Variants in LMBR1 observed in about 807,000 individuals in gnomAD.
The protein encoded by LMBR1 is limb development membrane protein 1.
A neutral mutation model predicts 73.9 loss-of-function variants in LMBR1; 52 were observed. That is an observed-to-expected ratio of 0.70 (90% CI 0.56 to 0.89). The LOEUF is 0.89. LMBR1 is among the 40% of genes least tolerant of loss of function. The pLI, the probability that LMBR1 is intolerant of heterozygous loss-of-function variation, is 0.00. For missense variants in LMBR1, 539 were observed against 579.8 expected (o/e 0.93, Z 0.72); for synonymous variants, 215 against 209.4 (o/e 1.03, Z -0.23).
At chr7:156,873,032 C>T (rs1328313134) in intron 1 of LMBR1, among the ~76,000 whole-genome samples, 1 of 150,940 alleles carries the variant, frequency 6.6e-6, no homozygotes, top group African/African-American at 2.4e-5. Flanking sequence ...GTTGGCACGT[C>T]TGGAGTCTGT....
intron 15 of LMBR1, among the ~76,000 whole-genome samples, chr7:156,707,714 A>ACTTCCATG (rs760156064): frequency 6.6e-6 from 1 of 152,198 alleles, no homozygotes; most frequent in Non-Finnish European, 1.5e-5. Context: ...CAAAGAGCAT[A>ACTTCCATG]CTTCAAAATA....
chr7:156,871,199 T>A (rs1242035682), intron 1 of LMBR1, among the ~76,000 whole-genome samples: 1 of 151,958 alleles, frequency 6.6e-6, no homozygotes, highest in Non-Finnish European at 1.5e-5. Context: ...AAGAAATGAA[T>A]AAATTCCTAG....
At chr7:156,869,328 T>C (rs559512631) in intron 1 of LMBR1, among the ~76,000 whole-genome samples, 1 of 152,228 alleles carries the variant, frequency 6.6e-6, no homozygotes, top group African/African-American at 2.4e-5. Context: ...AAAAAAAAGC[T>C]TAAGGCTCTC....
chr7:156,692,727 G>C (rs1807481917), intron 15 of LMBR1, among the ~76,000 whole-genome samples: 1 of 152,156 alleles, frequency 6.6e-6, no homozygotes, highest in African/African-American at 2.4e-5. Flanking sequence ...TGGAGCATAA[G>C]GATGACACAG....
Position 156,670,799 on chromosome 7 carries a change from T to C in LMBR1, n.867-1512A>G, listed in dbSNP as rs1479978548. On this transcript the variant is annotated intron_variant and non_coding_transcript_variant, in intron 4 of 4. Transcript: ENST00000430825. The surrounding 1 kb of genome is among the most constrained non-coding windows in gnomAD (Gnocchi z 4.3). ...GGCAAAAGAAAAGCCAGACAAAAAG[T>C]GTGCCACTAGAACGTCTTCGTTAAA... is the stretch of plus-strand genomic sequence containing the variant. 6.6e-6 allele frequency among the ~76,000 whole-genome samples: 1 copy of C among 152,150 alleles called. No homozygotes were observed. The highest frequency in any genetic ancestry group is 1.5e-5 in the Non-Finnish European group (1 of 68,030).
chr7:156,852,098 G>T (rs1796315484), intron 1 of LMBR1, among the ~76,000 whole-genome samples: 1 of 151,862 alleles, frequency 6.6e-6, no homozygotes. Context: ...ACACCTCTAG[G>T]AACAAAGTAA....
intron 7 of LMBR1, among the ~76,000 whole-genome samples, chr7:156,762,537 A>C (rs1301426649): frequency 6.6e-6 from 1 of 152,236 alleles, no homozygotes; most frequent in African/African-American, 2.4e-5. Context: ...GTTAAATTTC[A>C]AGTATTAATA....
rs529355112 is a variant in LMBR1, at chr7:156,776,207, G to T, written c.424-12412C>A. 1.2e-3 allele frequency among the ~76,000 whole-genome samples: 176 copies of T among 151,532 alleles called. 1 individual carries two copies. The highest frequency in any genetic ancestry group is 1.7e-3 in the Non-Finnish European group (115 of 67,930). On this transcript the variant is annotated intron_variant, in intron 5 of 16. Transcript: ENST00000353442. ...TATAATGACTCAAACTATTACCTTTGTCTCTGAAATTTCCAAGGCTTGGGA... is the reference window on the plus strand; with the variant it reads ...TATAATGACTCAAACTATTACCTTTTTCTCTGAAATTTCCAAGGCTTGGGA...
chr7:156,739,033 CGAAACCAGGCCTAGGCTATTG>C (rs1818413850), intron 9 of LMBR1, among the ~76,000 whole-genome samples: 1 of 152,062 alleles, frequency 6.6e-6, no homozygotes, highest in Non-Finnish European at 1.5e-5. Context: ...TTGGGGCCCC[CGAAACCAGGCCTAGGCTATTG>C]AACAGCATTT....
chr7:156,805,812 G>A lies in LMBR1; in HGVS notation c.320-9320C>T, dbSNP rs929271658. Among the ~76,000 whole-genome samples, 13 of 152,256 alleles carry A rather than the reference G, an allele frequency of 8.5e-5. No homozygotes were observed. The East Asian group carries it at 1.4e-3, about 16-fold the overall frequency. ...AACCCTAATCCTCAGTGTGATGGTC[G>A]TTAGAGACAGGAGCCCTTGGGGGTA... On this transcript the variant is annotated intron_variant, in intron 4 of 16. Coordinates refer to ENST00000353442, the MANE Select transcript of LMBR1 (RefSeq NM_022458.4).
intron 3 of LMBR1, among the ~76,000 whole-genome samples, chr7:156,828,223 C>A (rs1044394379): frequency 6.6e-6 from 1 of 152,142 alleles, no homozygotes. Flanking sequence ...TTACCTAACC[C>A]CCTCATAGCC....
intron 5 of LMBR1, among the ~76,000 whole-genome samples, chr7:156,789,866 A>G (rs1461768470): frequency 2.0e-5 from 3 of 152,126 alleles, no homozygotes; most frequent in Admixed American, 2.0e-4. Context: ...AACAATGACT[A>G]TTTCTATAAA....
chr7:156,782,124 C>T (rs895033260), intron 5 of LMBR1, among the ~76,000 whole-genome samples: 17 of 152,204 alleles, frequency 1.1e-4, no homozygotes, highest in African/African-American at 3.9e-4. Flanking sequence ...TAGCAAGGTT[C>T]ATCCACGTTG....
chr7:156,704,146 G>C (rs935460165), intron 15 of LMBR1, among the ~76,000 whole-genome samples: 1 of 152,100 alleles, frequency 6.6e-6, no homozygotes, highest in Non-Finnish European at 1.5e-5. Context: ...CCAAGAAATA[G>C]CCTGGAACTG....
rs1412696633 is a variant in LMBR1 at position 156,681,366 on chromosome 7, CATT to C, written c.*2709_*2711del. 3.5e-6 allele frequency: 1 copy of C among 286,158 alleles called. No individual in the cohort carries two copies. The highest frequency in any genetic ancestry group is 6.8e-6 in the Non-Finnish European group (1 of 147,502). 17.7% of individuals were successfully genotyped at this position (286,158 alleles called of 1,614,324 possible). A position where few individuals can be genotyped will look rare whatever the true frequency, so the allele number is the denominator to read the frequency against. ...TTAGTGCAGCAATTTAAGGAGCTAA[CATT>C]AGTGTGTATGTGTGTACAAATTTCA... On this transcript the variant is annotated 3_prime_UTR_variant, in exon 17 of 17. Coordinates refer to ENST00000353442, the MANE Select transcript of LMBR1 (RefSeq NM_022458.4).
At chr7:156,693,701 A>C (rs10250422) in intron 15 of LMBR1, among the ~76,000 whole-genome samples, 1 of 152,124 alleles carries the variant, frequency 6.6e-6, no homozygotes, top group African/African-American at 2.4e-5. Context: ...AGGTAAATTC[A>C]ACCAGACAAT....
chr7:156,776,994 C>T (rs544561466), intron 5 of LMBR1, among the ~76,000 whole-genome samples: 2 of 151,650 alleles, frequency 1.3e-5, no homozygotes, highest in African/African-American at 2.4e-5. Context: ...CGCAGTGGCA[C>T]GATCTCGGCT....
At chr7:156,851,097 C>T (rs750812708) in intron 1 of LMBR1, among the ~76,000 whole-genome samples, 3 of 152,176 alleles carry the variant, frequency 2.0e-5, no homozygotes, top group Non-Finnish European at 2.9e-5. Flanking sequence ...GAAGCAGATG[C>T]CGGCAATATG....
At chr7:156,804,384 G>A (rs577834174) in intron 4 of LMBR1, among the ~76,000 whole-genome samples, 16 of 152,242 alleles carry the variant, frequency 1.1e-4, no homozygotes, top group African/African-American at 2.4e-4. Context: ...AGACCTATGC[G>A]ATCATTTCTT....
Sources: gnomAD v4.1 joint callset for allele counts (sites outside exome capture counted in the v4.1 genomes callset) on GRCh38, gnomAD v4.1.1 for gene constraint, Gnocchi (gnomAD v3.1) non-coding constraint, MANE v1.5 for transcripts, NCBI Gene and HGNC (gene_info 2026-07-23, HGNC 2026-07-21) for gene names.